TRHDE: variants seen among roughly 807,000 people sequenced by gnomAD.
TRHDE encodes the protein thyrotropin-releasing hormone-degrading ectoenzyme.
A neutral mutation model predicts 125.7 loss-of-function variants in TRHDE; 72 were observed. That is an observed-to-expected ratio of 0.57 (90% confidence interval 0.47 to 0.70). TRHDE has a LOEUF of 0.70. Among genes scored for constraint, TRHDE ranks in the 30% least tolerant of loss-of-function variants. TRHDE has a pLI of 0.00. For missense variants in TRHDE, 1,110 were observed against 1,327.1 expected, an observed-to-expected ratio of 0.84 and a Z score of 2.54; for synonymous variants, 509 against 509.1, an observed-to-expected ratio of 1.00 and a Z score of 0.00.
intron 15 of TRHDE, among the ~76,000 whole-genome samples, chr12:72,633,550 C>T (rs1873586277): frequency 6.6e-6 from 1 of 152,038 alleles, no homozygotes; most frequent in African/African-American, 2.4e-5. Context: ...AGTGAGAAAG[C>T]TCCCTAGAAA....
chr12:72,372,212 A>G (rs569964592), intron 2 of TRHDE, among the ~76,000 whole-genome samples: 24 of 151,322 alleles, frequency 1.6e-4, no homozygotes, highest in Non-Finnish European at 1.5e-5. Flanking sequence ...GTCTGTTCCT[A>G]TCCTTTGCCC....
chr12:72,201,391 A>G (rs1182401696), intron 2 of TRHDE, among the ~76,000 whole-genome samples: 1 of 152,094 alleles, frequency 6.6e-6, no homozygotes, highest in Non-Finnish European at 1.5e-5. Context: ...AGAGATAAAT[A>G]TTTTTGGCTA....
chr12:72,429,664 A>G (rs1423962907), intron 3 of TRHDE, among the ~76,000 whole-genome samples: 1 of 151,996 alleles, frequency 6.6e-6, no homozygotes, highest in African/African-American at 2.4e-5. Flanking sequence ...GAGGGTTCCA[A>G]TTTTTATACA....
chr12:72,461,925 C>A (rs1251596045), intron 3 of TRHDE, among the ~76,000 whole-genome samples: 1 of 152,154 alleles, frequency 6.6e-6, no homozygotes, highest in African/African-American at 2.4e-5. Context: ...CTATGTAGGA[C>A]TAAGTGCTTT....
chr12:72,184,834 ATGGT>A (rs1877168385), intron 2 of TRHDE, among the ~76,000 whole-genome samples: 1 of 152,092 alleles, frequency 6.6e-6, no homozygotes, highest in East Asian at 1.9e-4. Flanking sequence ...AGCAGTTGTT[ATGGT>A]TGATTTCCTC....
intron 2 of TRHDE, among the ~76,000 whole-genome samples, chr12:72,289,253 T>C (rs187737652): frequency 6.6e-6 from 1 of 152,160 alleles, no homozygotes; most frequent in Non-Finnish European, 1.5e-5. Flanking sequence ...CAGTAGCATG[T>C]AAATAATATA....
In TRHDE at chr12:72,272,874, C is replaced by G; in HGVS notation, c.231C>G (p.Arg77=). ...GAGTGCGACCCCGCACCACGGAGCG[C>G]CACATCGCCGTACACAAGCGGCTTG... ...SVGVRPRTTE[R]HIAVHKRLVL... The change falls in exon 1 of 19, where the codon CGC becomes CGG. Residue 77 remains arginine, a synonymous_variant. Coordinates refer to ENST00000261180, the MANE Select transcript of TRHDE (RefSeq NM_013381.3). This position sits in a 1 kb window ranked among gnomAD's most constrained non-coding sequence, Gnocchi z 6.7. 1 of 1,580,334 alleles carries G rather than the reference C, an allele frequency of 6.3e-7. No individual in the cohort carries two copies. The highest frequency in any genetic ancestry group is 8.5e-7 in the Non-Finnish European group (1 of 1,171,246).
intron 7 of TRHDE, among the ~76,000 whole-genome samples, chr12:72,560,914 T>C (rs1826590): frequency 0.27 from 40,568 of 152,192 alleles, 8,168 homozygotes; most frequent in African/African-American, 0.54. Flanking sequence ...CAAAAAAGCA[T>C]AAAGAATAAT....
intron 5 of TRHDE, among the ~76,000 whole-genome samples, chr12:72,490,679 GGGACAAATTAT>G (rs1877628261): frequency 6.6e-6 from 1 of 150,876 alleles, no homozygotes; most frequent in African/African-American, 2.4e-5. Context: ...GGATATGTCT[GGGACAAATTAT>G]GCTAAGTGAA....
chr12:72,378,705 A>T (rs1872011193), intron 3 of TRHDE, among the ~76,000 whole-genome samples: 1 of 152,218 alleles, frequency 6.6e-6, no homozygotes, highest in Non-Finnish European at 1.5e-5. Context: ...ATTATAGTAA[A>T]TACAATACAA....
chr12:72,378,018 T>C lies in TRHDE; in HGVS notation c.1212T>C (p.Asp404=). ...AGGTACGATTATATGCAAGACCTGA[T>C]GCTATCAGAAGAGGATCCGGGGACT... ...GVVVRLYARP[D]AIRRGSGDYA... is the part of the protein sequence containing the mutation. The change falls in exon 3 of 19, where the codon GAT becomes GAC. Residue 404 remains aspartate (D), a synonymous_variant. Coordinates refer to ENST00000261180, the MANE Select transcript of TRHDE (RefSeq NM_013381.3). The C allele has an allele frequency of 1.9e-6, 3 of 1,597,434 alleles. No individual in the cohort carries two copies. Among genetic ancestry groups the C allele is most frequent in the Non-Finnish European group, 2.6e-6 (3 of 1,173,082 alleles).
intron 2 of TRHDE, among the ~76,000 whole-genome samples, chr12:72,341,739 G>A (rs530182813): frequency 3.8e-4 from 58 of 152,200 alleles, no homozygotes; most frequent in Non-Finnish European, 7.8e-4. Flanking sequence ...GAGTCAAAGG[G>A]CAGTATTTGA....
At chr12:72,514,364 TAA>T (rs1466432917) in intron 6 of TRHDE, among the ~76,000 whole-genome samples, 1 of 151,662 alleles carries the variant, frequency 6.6e-6, no homozygotes, top group Non-Finnish European at 1.5e-5. Context: ...TTTGAGGAAA[TAA>T]AAAGAGACAT....
intron 12 of TRHDE, among the ~76,000 whole-genome samples, chr12:72,585,422 C>T (rs181807430): frequency 1.4e-4 from 21 of 152,298 alleles, no homozygotes; most frequent in African/African-American, 3.8e-4. Context: ...ATTCACAACA[C>T]GTACTTATGG....
intron 2 of TRHDE, among the ~76,000 whole-genome samples, chr12:72,243,582 A>C (rs1320085140): frequency 6.6e-6 from 1 of 152,202 alleles, no homozygotes; most frequent in African/African-American, 2.4e-5. Flanking sequence ...CATTAGAATA[A>C]ATTTCACTTG....
intron 2 of TRHDE, among the ~76,000 whole-genome samples, chr12:72,141,127 G>C (rs756423334): frequency 6.6e-6 from 1 of 152,058 alleles, no homozygotes; most frequent in Non-Finnish European, 1.5e-5. Flanking sequence ...AAGGCACCTT[G>C]TATTTTATCT....
intron 2 of TRHDE, among the ~76,000 whole-genome samples, chr12:72,341,260 T>A (rs957657294): frequency 1.3e-5 from 2 of 151,966 alleles, no homozygotes; most frequent in African/African-American, 4.8e-5. Context: ...ATTAGGTATT[T>A]CTCCTAATGC....
At chr12:72,134,710 T>C (rs1168302002) in intron 2 of TRHDE, among the ~76,000 whole-genome samples, 1 of 152,140 alleles carries the variant, frequency 6.6e-6, no homozygotes, top group Admixed American at 6.5e-5. Flanking sequence ...TTATGCTATA[T>C]GTTAACTTTA....
chr12:72,096,134 T>TACACACACACACACACACACACACAC (rs144560604), intron 1 of TRHDE, among the ~76,000 whole-genome samples: 16 of 145,100 alleles, frequency 1.1e-4, no homozygotes, highest in Non-Finnish European at 2.1e-4. Flanking sequence ...CTTATGTGTA[T>TACACACACACACACACACACACACAC]ACACACACAC....
Sources: allele counts gnomAD v4.1 joint callset (sites outside exome capture counted in the v4.1 genomes callset), GRCh38; gene constraint gnomAD v4.1.1; non-coding constraint Gnocchi (gnomAD v3.1); transcripts MANE v1.5; gene names NCBI Gene and HGNC (gene_info 2026-07-23, HGNC 2026-07-21).